MANF: variants seen among roughly 807,000 people sequenced by gnomAD.
MANF encodes the protein mesencephalic astrocyte derived neurotrophic factor.
Under a neutral mutation model 19.1 loss-of-function variants are expected in MANF, and 9 were observed. That is an observed-to-expected ratio of 0.47 (90% CI 0.28 to 0.82). The LOEUF (loss-of-function observed/expected upper bound fraction) is 0.82. Among genes scored for constraint, MANF ranks in the 40% least tolerant of loss-of-function variants. The pLI is 0.10. For missense variants in MANF, 225 were observed against 226.7 expected (o/e 0.99, Z 0.05); for synonymous variants, 89 against 88.0 (o/e 1.01, Z -0.06).
Position 51,385,421 on chromosome 3 carries a change from C to G in MANF, c.79C>G (p.Pro27Ala). ...SVLPGSRALR[P>A]GDCEVCISYL... ...GCTGCCGGGCAGCCGGGCGCTGCGG[C>G]CGGGCGACTGCGAAGGTGCGGGATA... Residue 27 changes from proline (P) to alanine (A), a missense_variant, in exon 1 of 4, where the codon CCG becomes GCG. By Grantham distance (27) the Pro-to-Ala change is conservative. Transcript: ENST00000528157. 1 of 1,236,036 alleles carries G rather than the reference C, an allele frequency of 8.1e-7. No homozygotes were observed. Among genetic ancestry groups the G allele is most frequent in the East Asian group, 3.2e-5 (1 of 31,630 alleles). The allele number at this position is 1,236,036 out of a possible 1,614,324, so 76.6% of individuals were successfully genotyped here.
At chr3:51,386,912 T>A (rs1553620967) in intron 2 of MANF, 3 of 456,772 alleles carry the variant, frequency 6.6e-6, no homozygotes, top group Admixed American at 2.3e-5. Context: ...GTTAAAGGTT[T>A]GAACCCTGGT....
At chr3:51,387,604 C>A in intron 2 of MANF, 133 bp from the exon 3 acceptor site, 1 of 789,728 alleles carries the variant, frequency 1.3e-6, no homozygotes, top group Non-Finnish European at 2.0e-6. Context: ...TGCATTCCAG[C>A]CTGGGTGACA....
In MANF at chr3:51,389,054, GCCC is replaced by G; in HGVS notation, c.517_519del (p.Pro173del). On this transcript the variant is annotated inframe_deletion, in exon 4 of 4. Transcript: ENST00000528157. The stretch of plus-strand genomic sequence containing the variant: ...GATAAATGAACTGATGCCTAAATAT[GCCC>G]CCAAGGCAGCCAGTGCACGGACCGA... The G allele has an allele frequency of 6.2e-7, 1 of 1,612,798 alleles. No individual in the cohort carries two copies.
intron 2 of MANF, 137 bp from the exon 3 acceptor site, chr3:51,387,600 C>T (rs2088974666): frequency 3.9e-6 from 3 of 768,292 alleles, no homozygotes; most frequent in Non-Finnish European, 6.3e-6. Flanking sequence ...CCACTGCATT[C>T]CAGCCTGGGT....
rs13091932 is a variant in MANF at position 51,385,338 on chromosome 3, G to C, written c.-5G>C. ...AGGAGGAGGAGGAGGAGGAGGATGA[G>C]GAGGATGAGGAGGATGTGGGCCACG... On this transcript the variant is annotated 5_prime_UTR_variant, in exon 1 of 4. Transcript: ENST00000528157. The C allele has an allele frequency of 1.2e-5, 15 of 1,231,656 alleles. No homozygotes were observed. The East Asian group carries it at 4.7e-4, about 39-fold the overall frequency. The allele number at this position is 1,231,656 out of a possible 1,614,324, so 76.3% of individuals were successfully genotyped here.
Position 51,387,855 on chromosome 3 carries a change from G to A in MANF, c.341G>A (p.Ser114Asn), listed in dbSNP as rs781910263. The change falls in exon 3 of 4, where the codon AGC becomes AAC. Residue 114 changes from serine to asparagine, a missense_variant. Physicochemically the swap from Ser to Asn is conservative, Grantham distance 46. Coordinates refer to ENST00000528157, the MANE Select transcript of MANF (RefSeq NM_006010.6). ...KICEKLKKKDSQICELKYDKQ... is the reference protein window; with the variant it reads ...KICEKLKKKDNQICELKYDKQ... Reference sequence around the variant, plus strand: ...TGTGAGAAGCTTAAGAAGAAGGACAGCCAGATATGTGAGCTTAAGTATGGT... The same window carrying A: ...TGTGAGAAGCTTAAGAAGAAGGACAACCAGATATGTGAGCTTAAGTATGGT... The A allele has an allele frequency of 6.2e-7, 1 of 1,613,762 alleles. No individual in the cohort carries two copies. Among genetic ancestry groups the A allele is most frequent in the Non-Finnish European group, 8.5e-7 (1 of 1,179,736 alleles).
Position 51,388,933 on chromosome 3 carries a change from C to T in MANF, c.393C>T (p.Asp131=), listed in dbSNP as rs886471276. 115 of 1,585,632 alleles carry T rather than the reference C, an allele frequency of 7.3e-5. No individual in the cohort carries two copies. Among genetic ancestry groups the T allele is most frequent in the Middle Eastern group, 5.0e-4 (3 of 6,060 alleles). Reference sequence around the variant, plus strand: ...AGCAGATCGACCTGAGCACAGTGGACCTGAAGAAGCTCCGAGTTAAAGAGC... The same window carrying T: ...AGCAGATCGACCTGAGCACAGTGGATCTGAAGAAGCTCCGAGTTAAAGAGC... The part of the protein sequence containing the change: ...YDKQIDLSTV[D]LKKLRVKELK... Residue 131 remains aspartate, a synonymous_variant, in exon 4 of 4, where the codon GAC becomes GAT. Transcript: ENST00000528157.
rs782178735 is a variant in MANF at position 51,386,344 on chromosome 3, C to T, written c.222+9C>T. 5.6e-6 allele frequency: 9 copies of T among 1,613,884 alleles called. No homozygotes were observed. Among genetic ancestry groups the T allele is most frequent in the Non-Finnish European group, 6.8e-6 (8 of 1,179,782 alleles). On this transcript the variant is annotated intron_variant, in intron 2 of 3. Coordinates refer to ENST00000528157, the MANE Select transcript of MANF (RefSeq NM_006010.6). The stretch of plus-strand genomic sequence containing the variant: ...GCAAAGAGAATCGGTTGGTAAGTAG[C>T]TGGTGATCCTCCCCAACTGGCCCTG...
In MANF at chr3:51,386,191, G is replaced by T. The variant is rs782017054; in HGVS notation, c.95-17G>T. 8.1e-6 allele frequency: 13 copies of T among 1,612,306 alleles called. No individual in the cohort carries two copies. The highest frequency in any genetic ancestry group is 1.1e-5 in the Non-Finnish European group (13 of 1,179,112). ...GCTTGGTGATTGCTGAGCATCTCCC[G>T]TCCCTCTCTTTTCCAGTTTGTATTT... On this transcript the variant is annotated splice_polypyrimidine_tract_variant and intron_variant, in intron 1 of 3. Coordinates refer to ENST00000528157, the MANE Select transcript of MANF (RefSeq NM_006010.6).
At chr3:51,386,843 T>C in intron 2 of MANF, 1 of 456,868 alleles carries the variant, frequency 2.2e-6, no homozygotes, top group Admixed American at 2.3e-5. Flanking sequence ...ACAAAAGCCC[T>C]AGTGAAGCAA....
rs782713917 is a variant in MANF, at chr3:51,387,847, G to A, written c.333G>A (p.Lys111=). The part of the protein sequence containing the change: ...PVEKICEKLK[K]KDSQICELKY... ...AGAAGATCTGTGAGAAGCTTAAGAA[G>A]AAGGACAGCCAGATATGTGAGCTTA... Residue 111 remains lysine (K), a synonymous_variant, in exon 3 of 4, where the codon AAG becomes AAA. Coordinates refer to ENST00000528157, the MANE Select transcript of MANF (RefSeq NM_006010.6). The A allele has an allele frequency of 6.2e-7, 1 of 1,613,806 alleles. No homozygotes were observed. Among genetic ancestry groups the A allele is most frequent in the Non-Finnish European group, 8.5e-7 (1 of 1,179,750 alleles).
chr3:51,385,353 T>C lies in MANF; in HGVS notation c.11T>C (p.Met4Thr). The C allele has an allele frequency of 8.1e-7, 1 of 1,236,856 alleles. No homozygotes were observed. The highest frequency in any genetic ancestry group is 1.0e-6 in the Non-Finnish European group (1 of 988,122). The allele number at this position is 1,236,856 out of a possible 1,614,324, so 76.6% of individuals were successfully genotyped here. The change falls in exon 1 of 4, where the codon ATG becomes ACG. Residue 4 changes from methionine to threonine, a missense_variant. Transcript: ENST00000528157. ...AGGAGGATGAGGAGGATGAGGAGGA[T>C]GTGGGCCACGCAGGGGCTGGCGGTG... Reference protein sequence around the residue: MRRMWATQGLAVAL... With the variant: MRRTWATQGLAVAL...
Position 51,387,154 on chromosome 3 carries a change from C to T in MANF, c.223-583C>T, listed in dbSNP as rs568681778. On this transcript the variant is annotated intron_variant, in intron 2 of 3. Transcript: ENST00000528157. ...CCTGGGCAAAGTGGTGAAATCCTGT[C>T]TGCACAAAAAAATTTTTAGGCTAGG... 1.5e-5 allele frequency: 5 copies of T among 326,450 alleles called. 1 individual carries two copies. The highest frequency in any genetic ancestry group is 1.2e-4 in the South Asian group (5 of 41,762). The allele number at this position is 326,450 out of a possible 1,614,324, so 20.2% of individuals were successfully genotyped here.
Position 51,387,718 on chromosome 3 carries a change from T to C in MANF, c.223-19T>C, listed in dbSNP as rs1022206075. On this transcript the variant is annotated intron_variant, in intron 2 of 3. Transcript: ENST00000528157. ...GCTCTCAAGCACCTCCTGAAGGCCA[T>C]TGTCCTTTATTGCTCCAGTGCTACT... 4 of 1,607,732 alleles carry C rather than the reference T, an allele frequency of 2.5e-6. No individual in the cohort carries two copies. The highest frequency in any genetic ancestry group is 1.3e-5 in the African/African-American group (1 of 74,964).
At position 51,385,310 on chromosome 3, in the gene MANF, C is replaced by CGGAGGAGGAGGAGGAGGA. The variant is rs1553620634; in HGVS notation, c.-26_-9dup. The CGGAGGAGGAGGAGGAGGA allele has an allele frequency of 4.0e-5, 46 of 1,154,650 alleles. No individual in the cohort carries two copies. The highest frequency in any genetic ancestry group is 2.1e-4 in the Admixed American group (5 of 23,410). 71.5% of individuals were successfully genotyped at this position (1,154,650 alleles called of 1,614,324 possible). On this transcript the variant is annotated 5_prime_UTR_variant, in exon 1 of 4. In the 5' UTR this introduces an upstream ATG that the reference lacks. Transcript: ENST00000528157. The stretch of plus-strand genomic sequence containing the variant: ...CGGTTCAGTCGGTCGGCGGCGGCAG[C>CGGAGGAGGAGGAGGAGGA]GGAGGAGGAGGAGGAGGAGGAGGAT...
rs782697717 is a variant in MANF, at chr3:51,387,869, C to CT, written c.357dup (p.Lys120Ter). On this transcript the variant is annotated frameshift_variant, in exon 3 of 4. Transcript: ENST00000528157. LOFTEE classifies it high-confidence loss of function. ...GAAGAAGGACAGCCAGATATGTGAG[C>CT]TTAAGTATGGTGAGTATGCCTAGTC... 9.3e-6 allele frequency: 15 copies of CT among 1,613,484 alleles called. No individual in the cohort carries two copies.
At position 51,389,181 on chromosome 3, in the gene MANF, C is replaced by T; in HGVS notation, c.*92C>T. 8.8e-7 allele frequency: 1 copy of T among 1,134,974 alleles called. No homozygotes were observed. The highest frequency in any genetic ancestry group is 1.3e-6 in the Non-Finnish European group (1 of 787,206). The allele number at this position is 1,134,974 out of a possible 1,614,324, so 70.3% of individuals were successfully genotyped here. A position where few individuals can be genotyped will look rare whatever the true frequency, so the allele number is the denominator to read the frequency against. On this transcript the variant is annotated 3_prime_UTR_variant, in exon 4 of 4. Transcript: ENST00000528157. ...TTTTGTAATTTATTTTTTAAGTGGG[C>T]TCCTGACAATACTGTATCAGATGTG...
In MANF at chr3:51,387,862, A is replaced by T. The variant is rs782531513; in HGVS notation, c.348A>T (p.Ile116=). ...AGCTTAAGAAGAAGGACAGCCAGAT[A>T]TGTGAGCTTAAGTATGGTGAGTATG... ...CEKLKKKDSQ[I]CELKYDKQID... is the part of the protein sequence containing the mutation. The change falls in exon 3 of 4, where the codon ATA becomes ATT. Residue 116 remains isoleucine (I), a synonymous_variant. Transcript: ENST00000528157. The T allele has an allele frequency of 6.2e-7, 1 of 1,613,742 alleles. No homozygotes were observed. The highest frequency in any genetic ancestry group is 8.5e-7 in the Non-Finnish European group (1 of 1,179,710).
chr3:51,386,063 A>G, intron 1 of MANF, 145 bp from the exon 2 acceptor site: 1 of 851,686 alleles, frequency 1.2e-6, no homozygotes. Context: ...CTACCTGTAG[A>G]CACCTGAGAA....
Sources: gnomAD v4.1 joint callset for allele counts on GRCh38, gnomAD v4.1.1 for gene constraint, MANE v1.5 for transcripts, NCBI Gene and HGNC (gene_info 2026-07-23, HGNC 2026-07-21) for gene names.